Variants in LRRC7 observed in about 807,000 individuals in gnomAD.
LRRC7 encodes leucine-rich repeat-containing protein 7.
In LRRC7, 23 loss-of-function variants were observed where a neutral mutation model predicts 175.7. That is an observed-to-expected ratio of 0.13 (90% CI 0.09 to 0.19). The LOEUF (loss-of-function observed/expected upper bound fraction) is 0.19, where lower values mean the gene tolerates loss of function less well. Among genes scored for constraint, LRRC7 ranks in the 10% least tolerant of loss-of-function variants. The pLI is 1.00. For synonymous variants in LRRC7, 685 were observed against 680.9 expected, an observed-to-expected ratio of 1.01 and a Z score of -0.09; for missense variants, 1,354 against 1,904.7, an observed-to-expected ratio of 0.71 and a Z score of 5.38.
chr1:69,695,586 G>A (rs572950390), intron 2 of LRRC7, among the ~76,000 whole-genome samples: 5 of 152,272 alleles, frequency 3.3e-5, no homozygotes, highest in African/African-American at 1.2e-4. Context: ...GGGAAAAAAG[G>A]CCTGAAAGGC....
Position 70,073,424 on chromosome 1 carries a change from C to T in LRRC7, c.4231-2653C>T, listed in dbSNP as rs574378283. Reference sequence around the variant, plus strand: ...TGTGATCACACCACTGTACTCCAGCCCGGGCGACAGAGTAAGACTCTGTCT... The same window carrying T: ...TGTGATCACACCACTGTACTCCAGCTCGGGCGACAGAGTAAGACTCTGTCT... On this transcript the variant is annotated intron_variant, in intron 23 of 26. Coordinates refer to ENST00000651989, the MANE Select transcript of LRRC7 (RefSeq NM_001370785.2). 1.2e-4 allele frequency among the ~76,000 whole-genome samples: 19 copies of T among 152,082 alleles called. No individual in the cohort carries two copies. In the South Asian group the frequency reaches 3.5e-3, roughly 28 times the overall value.
chr1:69,820,539 G>A (rs931421895), intron 4 of LRRC7, among the ~76,000 whole-genome samples: 10 of 152,188 alleles, frequency 6.6e-5, no homozygotes, highest in African/African-American at 2.4e-4. Context: ...AGACCCCAGT[G>A]TGTGATGTTC....
At chr1:69,656,051 A>T (rs148729228) in intron 1 of LRRC7, among the ~76,000 whole-genome samples, 291 of 152,126 alleles carry the variant, frequency 1.9e-3, no homozygotes, top group African/African-American at 6.7e-3. Flanking sequence ...TCATATGTTG[A>T]TAAGAATGCC....
intron 12 of LRRC7, among the ~76,000 whole-genome samples, chr1:70,012,729 A>G (rs926376278): frequency 3.3e-5 from 5 of 151,428 alleles, no homozygotes; most frequent in African/African-American, 1.2e-4. Context: ...TTAAGCATAA[A>G]ATTATAAAGA....
intron 7 of LRRC7, among the ~76,000 whole-genome samples, chr1:69,930,907 C>T (rs377597567): frequency 1.0e-4 from 15 of 149,846 alleles, no homozygotes; most frequent in African/African-American, 3.8e-4. Context: ...ATCCAATCAC[C>T]TCCCACCAGG....
chr1:69,878,698 T>C, intron 7 of LRRC7, among the ~76,000 whole-genome samples: 1 of 151,820 alleles, frequency 6.6e-6, no homozygotes, highest in African/African-American at 2.4e-5. Flanking sequence ...ATCTACTAGT[T>C]ACTAGAAAAA....
At chr1:69,672,233 C>T (rs1390502463) in intron 1 of LRRC7, among the ~76,000 whole-genome samples, 1 of 151,412 alleles carries the variant, frequency 6.6e-6, no homozygotes, top group Non-Finnish European at 1.5e-5. Context: ...CTTCCTCTGC[C>T]CTTCTACTTA....
chr1:69,935,113 C>A (rs1006401447), intron 8 of LRRC7, among the ~76,000 whole-genome samples: 25 of 152,018 alleles, frequency 1.6e-4, no homozygotes, highest in African/African-American at 5.3e-4. Flanking sequence ...GGGTAGGGAC[C>A]CACTGACCCA....
chr1:69,818,556 T>A (rs1678868785), intron 4 of LRRC7, among the ~76,000 whole-genome samples: 1 of 152,158 alleles, frequency 6.6e-6, no homozygotes, highest in Non-Finnish European at 1.5e-5. Flanking sequence ...TCATCAGGGA[T>A]GTTGGCCTGT....
chr1:69,859,201 G>A (rs916709851), intron 7 of LRRC7, among the ~76,000 whole-genome samples: 10 of 152,092 alleles, frequency 6.6e-5, no homozygotes, highest in African/African-American at 2.4e-4. Flanking sequence ...CACTGAGTGT[G>A]ACAAGCTGTG....
chr1:69,658,484 A>C lies in LRRC7; in HGVS notation c.3-19897A>C, dbSNP rs1656973127. Among the ~76,000 whole-genome samples, 4 of 152,070 alleles carry C rather than the reference A, an allele frequency of 2.6e-5. 1 individual carries two copies. The South Asian group carries it at 8.3e-4, about 32-fold the overall frequency. On this transcript the variant is annotated intron_variant, in intron 1 of 26. Coordinates refer to ENST00000651989, the MANE Select transcript of LRRC7 (RefSeq NM_001370785.2). ...AGTAGCTAGAAGCTAAATCAAGGAG[A>C]ACCTCCTAGAAGGTAGGTAAGAATT...
At chr1:69,648,527 A>G (rs1655322673) in intron 1 of LRRC7, among the ~76,000 whole-genome samples, 1 of 152,178 alleles carries the variant, frequency 6.6e-6, no homozygotes, top group Admixed American at 6.5e-5. Flanking sequence ...AAGAAAGAGA[A>G]ATGGGAAAAG....
At chr1:69,806,405 C>T (rs1677120841) in intron 4 of LRRC7, among the ~76,000 whole-genome samples, 1 of 151,908 alleles carries the variant, frequency 6.6e-6, no homozygotes, top group Non-Finnish European at 1.5e-5. Context: ...TGGCCAAGGT[C>T]ATAAGCACTC....
At chr1:69,791,290 G>C (rs1569895499) in intron 3 of LRRC7, among the ~76,000 whole-genome samples, 2 of 151,924 alleles carry the variant, frequency 1.3e-5, no homozygotes, top group East Asian at 3.8e-4. Flanking sequence ...TCACCGGTGT[G>C]CTTGTTAAAA....
At chr1:69,959,636 T>C (rs1650842896) in intron 8 of LRRC7, among the ~76,000 whole-genome samples, 1 of 152,078 alleles carries the variant, frequency 6.6e-6, no homozygotes, top group Non-Finnish European at 1.5e-5. Context: ...ATGCACAAGT[T>C]ACCTTGGAAG....
intron 5 of LRRC7, 138 bp downstream of exon 5, chr1:69,825,964 T>A (rs1019139384): frequency 1.4e-5 from 7 of 511,494 alleles, no homozygotes; most frequent in Non-Finnish European, 2.3e-5. Flanking sequence ...TGGGAAAAAT[T>A]AATCAGAATA....
intron 2 of LRRC7, among the ~76,000 whole-genome samples, chr1:69,698,958 A>G (rs1283276766): frequency 6.6e-6 from 1 of 152,164 alleles, no homozygotes; most frequent in African/African-American, 2.4e-5. Flanking sequence ...AGTATAGTCA[A>G]ACTTACTCCT....
intron 1 of LRRC7, among the ~76,000 whole-genome samples, chr1:69,587,323 A>T (rs972649296): frequency 6.6e-6 from 1 of 152,164 alleles, no homozygotes; most frequent in South Asian, 2.1e-4. Flanking sequence ...TCCCCAGTTC[A>T]GGACTCTTTA....
chr1:69,605,631 G>C (rs1406486697), intron 1 of LRRC7, among the ~76,000 whole-genome samples: 1 of 152,120 alleles, frequency 6.6e-6, no homozygotes, highest in African/African-American at 2.4e-5. Context: ...TGTGATGATA[G>C]CTTTGATTAC....
Sources: gnomAD v4.1 joint callset for allele counts (sites outside exome capture counted in the v4.1 genomes callset) on GRCh38, gnomAD v4.1.1 for gene constraint, MANE v1.5 for transcripts, NCBI Gene and HGNC (gene_info 2026-07-23, HGNC 2026-07-21) for gene names.